The following DHX34 variants were observed in gnomAD, a reference collection of about 807,000 sequenced individuals.
DHX34 encodes probable ATP-dependent RNA helicase DHX34.
A neutral mutation model predicts 111.1 loss-of-function variants in DHX34; 96 were observed. That is an observed-to-expected ratio of 0.86 (90% CI 0.73 to 1.02). The LOEUF is 1.02. Ranked by LOEUF, DHX34 falls within the 50% of genes least tolerant of loss-of-function variation. The pLI is 0.00. For missense variants in DHX34, 1,560 were observed against 1,579.9 expected, an observed-to-expected ratio of 0.99 and a Z score of 0.21; for synonymous variants, 688 against 670.4, an observed-to-expected ratio of 1.03 and a Z score of -0.41.
At chr19:47,367,212 G>C (rs1365033950) in intron 7 of DHX34, 57 bp downstream of exon 7, 2 of 1,358,820 alleles carry the variant, frequency 1.5e-6, no homozygotes, top group African/African-American at 3.0e-5. Context: ...TATGGGCACA[G>C]CTCACTCTCT....
chr19:47,380,278 G>A (rs1970311323), intron 14 of DHX34, among the ~76,000 whole-genome samples: 1 of 152,180 alleles, frequency 6.6e-6, no homozygotes, highest in Non-Finnish European at 1.5e-5. Context: ...AGGACAGGCA[G>A]GGTGTGAGAG....
intron 3 of DHX34, among the ~76,000 whole-genome samples, chr19:47,356,413 C>T (rs894164271): frequency 2.0e-5 from 3 of 152,014 alleles, no homozygotes; most frequent in African/African-American, 7.2e-5. Flanking sequence ...AGAAAGATCA[C>T]GAGGTCAGGA....
intron 5 of DHX34, 126 bp downstream of exon 5, chr19:47,360,196 C>A: frequency 1.2e-6 from 1 of 810,554 alleles, no homozygotes; most frequent in Non-Finnish European, 2.0e-6. Flanking sequence ...TTCCCATATC[C>A]AAAATGCTTG....
rs750986492 is a variant in DHX34 at position 47,358,035 on chromosome 19, A to T, written c.1187A>T (p.Glu396Val). 1.2e-6 allele frequency: 2 copies of T among 1,613,160 alleles called. No individual in the cohort carries two copies. The highest frequency in any genetic ancestry group is 1.7e-6 in the Non-Finnish European group (2 of 1,180,020). The part of the protein sequence containing the change: ...SGMAEISAVL[E>V]AAQTYASHTQ... ...ATGGCGGAGATCAGCGCCGTGCTGG[A>T]GGCTGCCCAGACCTATGCCAGCCAC... is the stretch of plus-strand genomic sequence containing the variant. The change falls in exon 4 of 17, where the codon GAG becomes GTG. Residue 396 changes from glutamate (E) to valine (V), a missense_variant. Physicochemically the swap from Glu to Val is moderately radical, Grantham distance 121. Transcript: ENST00000328771.
intron 9 of DHX34, 92 bp downstream of exon 9, chr19:47,373,792 G>T: frequency 6.7e-7 from 1 of 1,481,760 alleles, no homozygotes; most frequent in Non-Finnish European, 9.1e-7. Context: ...CCAGACAGTG[G>T]TCAGACCAGA....
In DHX34 at chr19:47,367,019, C is replaced by T. The variant is rs1351768355; in HGVS notation, c.1632C>T (p.Pro544=). The part of the protein sequence containing the change: ...SMSVGDPRTF[P]FIEPPPPASL... ...GTGTGGGGGACCCCCGAACCTTCCCCTTCATCGAGCCCCCACCACCAGCCA... is the reference window on the plus strand; with the variant it reads ...GTGTGGGGGACCCCCGAACCTTCCCTTTCATCGAGCCCCCACCACCAGCCA... Residue 544 remains proline (P), a synonymous_variant, in exon 7 of 17, where the codon CCC becomes CCT. Transcript: ENST00000328771. 2.0e-5 allele frequency: 32 copies of T among 1,583,154 alleles called. No individual in the cohort carries two copies. Among genetic ancestry groups the T allele is most frequent in the Non-Finnish European group, 2.7e-5 (32 of 1,166,098 alleles).
intron 7 of DHX34, among the ~76,000 whole-genome samples, chr19:47,372,111 TC>T (rs1248386024): frequency 1.3e-5 from 2 of 151,214 alleles, no homozygotes; most frequent in Non-Finnish European, 2.9e-5. Context: ...CTCTGTGGCC[TC>T]CCCTCTGTCC....
chr19:47,366,180 T>C lies in DHX34; in HGVS notation c.1594-801T>C, dbSNP rs117995734. 1.2e-3 allele frequency among the ~76,000 whole-genome samples: 179 copies of C among 152,302 alleles called. 3 individuals carry two copies. In the East Asian group the frequency reaches 0.022, roughly 19 times the overall value. On this transcript the variant is annotated intron_variant, in intron 6 of 16. Coordinates refer to ENST00000328771, the MANE Select transcript of DHX34 (RefSeq NM_014681.6). ...GCTCAGGTCACGTGCCTCTCCTCCA[T>C]GGTCTGGGGCAAGATGTGCTAGGCA...
chr19:47,372,595 C>T, intron 7 of DHX34, 135 bp from the exon 8 acceptor site: 1 of 1,416,310 alleles, frequency 7.1e-7, no homozygotes, highest in Non-Finnish European at 9.2e-7. Flanking sequence ...CCATCTGGGT[C>T]ACAAGACCCT....
chr19:47,374,715 G>A (rs1221403921), intron 9 of DHX34, among the ~76,000 whole-genome samples: 1 of 152,132 alleles, frequency 6.6e-6, no homozygotes, highest in African/African-American at 2.4e-5. Flanking sequence ...CAGATGCCCC[G>A]ATTGCTCTGA....
chr19:47,374,884 A>G (rs111991461), intron 9 of DHX34, among the ~76,000 whole-genome samples: 3,092 of 152,342 alleles, frequency 0.02, 45 homozygotes, highest in Middle Eastern at 0.041. Context: ...TCCATCGGTC[A>G]GGGCTCAGCA....
chr19:47,354,233 G>A (rs62130468), intron 2 of DHX34, among the ~76,000 whole-genome samples: 4,505 of 152,266 alleles, frequency 0.03, 105 homozygotes, highest in Non-Finnish European at 0.046. Context: ...AAAGTTTTGG[G>A]ATTACAGGTG....
intron 9 of DHX34, among the ~76,000 whole-genome samples, chr19:47,374,299 T>G (rs754057443): frequency 3.3e-5 from 5 of 151,830 alleles, no homozygotes; most frequent in Non-Finnish European, 4.4e-5. Flanking sequence ...TAGCCAGGCA[T>G]GGTGGCACGT....
rs554082690 is a variant in DHX34 at position 47,353,850 on chromosome 19, G to T, written c.705+115G>T. 6 of 1,018,828 alleles carry T rather than the reference G, an allele frequency of 5.9e-6. No individual in the cohort carries two copies. In the South Asian group the frequency reaches 1.0e-4, roughly 18 times the overall value. The allele number at this position is 1,018,828 out of a possible 1,614,324, so 63.1% of individuals were successfully genotyped here. ...AGCACTTACCCTTGGACCCAGCGAT[G>T]ATTCTTCTAGAACTTTATCCACAGA... On this transcript the variant is annotated intron_variant, in intron 2 of 16. Coordinates refer to ENST00000328771, the MANE Select transcript of DHX34 (RefSeq NM_014681.6). This position sits in a 1 kb window ranked among gnomAD's most constrained non-coding sequence, Gnocchi z 4.6.
rs375719793 is a variant in DHX34 at position 47,357,988 on chromosome 19, C to A, written c.1140C>A (p.Asp380Glu). 11 of 1,613,790 alleles carry A rather than the reference C, an allele frequency of 6.8e-6. No individual in the cohort carries two copies. The African/African-American group carries it at 1.3e-4, about 20-fold the overall frequency. Residue 380 changes from aspartate (D) to glutamate (E), a missense_variant, in exon 4 of 17, where the codon GAC (aspartate) becomes GAA (glutamate). Asp to Glu is a conservative substitution (Grantham distance 45, BLOSUM62 2). Coordinates refer to ENST00000328771, the MANE Select transcript of DHX34 (RefSeq NM_014681.6). Reference protein sequence around the residue: ...DHKYPPEERGDLLVFLSGMAE... With the variant: ...DHKYPPEERGELLVFLSGMAE... ...AGTACCCGCCTGAGGAGCGGGGTGA[C>A]CTCCTCGTCTTCCTCAGCGGCATGG...
rs150884884 is a variant in DHX34, at chr19:47,375,108, C to A, written c.2065-358C>A. ...CATTCCCAGCATGTGCCTAGATGCCCCAGGGCTACACTCAGAAGCACTAGT... is the reference window on the plus strand; with the variant it reads ...CATTCCCAGCATGTGCCTAGATGCCACAGGGCTACACTCAGAAGCACTAGT... On this transcript the variant is annotated intron_variant, in intron 9 of 16. Transcript: ENST00000328771. 4.7e-3 allele frequency among the ~76,000 whole-genome samples: 713 copies of A among 152,250 alleles called. 6 individuals carry two copies. Among genetic ancestry groups the A allele is most frequent in the African/African-American group, 0.016 (668 of 41,536 alleles).
At position 47,375,675 on chromosome 19, in the gene DHX34, C is replaced by T. The variant is rs781597628; in HGVS notation, c.2274C>T (p.Ala758=). Reference sequence around the variant, plus strand: ...GTGACGAGGACAGGGCTGGCCCAGCCCCCCCAGGGGCCAGTGATGGCGTGG... The same window carrying T: ...GTGACGAGGACAGGGCTGGCCCAGCTCCCCCAGGGGCCAGTGATGGCGTGG... The part of the protein sequence containing the change: ...GSSDEDRAGP[A]PPGASDGVDI... Residue 758 remains alanine (A), a synonymous_variant, in exon 10 of 17, where the codon GCC becomes GCT. Coordinates refer to ENST00000328771, the MANE Select transcript of DHX34 (RefSeq NM_014681.6). 7 of 1,558,002 alleles carry T rather than the reference C, an allele frequency of 4.5e-6. No individual in the cohort carries two copies. The highest frequency in any genetic ancestry group is 5.2e-6 in the Non-Finnish European group (6 of 1,155,420).
intron 6 of DHX34, among the ~76,000 whole-genome samples, chr19:47,366,362 C>T (rs1969785539): frequency 6.6e-6 from 1 of 151,622 alleles, no homozygotes; most frequent in Non-Finnish European, 1.5e-5. Context: ...CTCACTGCAA[C>T]CTCCGCCTTC....
chr19:47,373,747 T>C (rs2122328052), intron 9 of DHX34, 47 bp downstream of exon 9: 1 of 1,590,532 alleles, frequency 6.3e-7, no homozygotes, highest in Admixed American at 1.8e-5. Context: ...CAGGCAGACG[T>C]GTGTAAGCAC....
Sources: allele counts gnomAD v4.1 joint callset (sites outside exome capture counted in the v4.1 genomes callset), GRCh38; gene constraint gnomAD v4.1.1; non-coding constraint Gnocchi (gnomAD v3.1); transcripts MANE v1.5; gene names NCBI Gene and HGNC (gene_info 2026-07-23, HGNC 2026-07-21).